The following GRIA4 variants were observed in gnomAD, a reference collection of about 807,000 sequenced individuals.
The protein encoded by GRIA4 is glutamate receptor 4.
In GRIA4, 34 loss-of-function variants were observed where a neutral mutation model predicts 104.0. That is an observed-to-expected ratio of 0.33 (90% CI 0.25 to 0.44). GRIA4 has a LOEUF of 0.44. Ranked by LOEUF, GRIA4 falls within the 20% of genes least tolerant of loss-of-function variation. The pLI is 1.00. For missense variants in GRIA4, 750 were observed against 1,096.5 expected (o/e 0.68, Z 4.46); for synonymous variants, 386 against 381.9 (o/e 1.01, Z -0.13).
At chr11:105,828,168 C>A (rs556797253) in intron 4 of GRIA4, among the ~76,000 whole-genome samples, 60 of 151,938 alleles carry the variant, frequency 3.9e-4, no homozygotes, top group Non-Finnish European at 6.3e-4. Flanking sequence ...AGGGGAACAG[C>A]TCTGGATATT....
chr11:105,851,430 C>T (rs1944805134), intron 4 of GRIA4, among the ~76,000 whole-genome samples: 1 of 152,112 alleles, frequency 6.6e-6, no homozygotes, highest in South Asian at 2.1e-4. Context: ...GCACATAGGA[C>T]TTATTTAATA....
intron 14 of GRIA4, among the ~76,000 whole-genome samples, chr11:105,943,146 A>C (rs1423861490): frequency 2.0e-5 from 3 of 152,158 alleles, no homozygotes; most frequent in African/African-American, 7.2e-5. Flanking sequence ...TGGTTTTGGA[A>C]TTTAAGTAAG....
chr11:105,844,182 C>T (rs1012424429), intron 4 of GRIA4, among the ~76,000 whole-genome samples: 2 of 152,118 alleles, frequency 1.3e-5, no homozygotes, highest in African/African-American at 4.8e-5. Context: ...CATTGTTGAG[C>T]TAAAAATTTA....
At chr11:105,756,373 C>T (rs573541141) in intron 4 of GRIA4, among the ~76,000 whole-genome samples, 31 of 152,216 alleles carry the variant, frequency 2.0e-4, no homozygotes, top group Non-Finnish European at 4.0e-4. Context: ...CCGTTCTTTT[C>T]CTCATTTCTC....
chr11:105,910,719 T>C (rs886112581), intron 10 of GRIA4, among the ~76,000 whole-genome samples, 174 bp downstream of exon 10: 1 of 152,132 alleles, frequency 6.6e-6, no homozygotes, highest in Non-Finnish European at 1.5e-5. Flanking sequence ...TTCGAGTTCA[T>C]ATAGTACTTT....
intron 5 of GRIA4, among the ~76,000 whole-genome samples, chr11:105,882,842 A>T (rs533633598): frequency 5.9e-5 from 9 of 152,314 alleles, no homozygotes; most frequent in Admixed American, 1.3e-4. Context: ...AAGTGAAGTC[A>T]ATATGGAAAA....
chr11:105,878,129 T>C (rs1254635156), intron 5 of GRIA4, among the ~76,000 whole-genome samples: 3 of 152,222 alleles, frequency 2.0e-5, no homozygotes, highest in Non-Finnish European at 4.4e-5. Context: ...TTGATGCTAT[T>C]CTTTTCTGTT....
At chr11:105,873,698 C>T (rs1055244104) in intron 5 of GRIA4, among the ~76,000 whole-genome samples, 1 of 151,822 alleles carries the variant, frequency 6.6e-6, no homozygotes, top group Non-Finnish European at 1.5e-5. Flanking sequence ...TTTCATGTTT[C>T]TTGGCCACAA....
chr11:105,808,678 T>C lies in GRIA4; in HGVS notation c.488-53346T>C, dbSNP rs114945749. Among the ~76,000 whole-genome samples, 460 of 152,172 alleles carry C rather than the reference T, an allele frequency of 3.0e-3. 6 individuals carry two copies. Among genetic ancestry groups the C allele is most frequent in the African/African-American group, 0.011 (451 of 41,558 alleles). ...TTGATCAAAAATATATTTAAGTCCA[T>C]CTTCTCCCTAAATATAAATAAGTAC... On this transcript the variant is annotated intron_variant, in intron 4 of 16. Transcript: ENST00000282499.
chr11:105,769,553 AGATAAT>A (rs1399732090), intron 4 of GRIA4, among the ~76,000 whole-genome samples: 3 of 152,108 alleles, frequency 2.0e-5, no homozygotes, highest in Non-Finnish European at 2.9e-5. Context: ...ACTTGAGAAC[AGATAAT>A]GTCAGATAGT....
At chr11:105,877,421 GTTCTCTCCAT>G (rs1330211314) in intron 5 of GRIA4, among the ~76,000 whole-genome samples, 1 of 152,106 alleles carries the variant, frequency 6.6e-6, no homozygotes, top group Non-Finnish European at 1.5e-5. Flanking sequence ...TCTTTGTAGT[GTTCTCTCCAT>G]TTCCTGAATT....
At chr11:105,702,690 C>T (rs1390435412) in intron 3 of GRIA4, among the ~76,000 whole-genome samples, 6 of 96,078 alleles carry the variant, frequency 6.2e-5, no homozygotes, top group Non-Finnish European at 5.7e-5. Flanking sequence ...AATTATTTTC[C>T]TTTCTTTTTT....
intron 4 of GRIA4, among the ~76,000 whole-genome samples, chr11:105,850,803 C>A (rs1591348712): frequency 6.6e-6 from 1 of 152,236 alleles, no homozygotes; most frequent in East Asian, 1.9e-4. Flanking sequence ...GCAGAAGCCA[C>A]CACACTTCTT....
intron 4 of GRIA4, among the ~76,000 whole-genome samples, chr11:105,810,913 T>G (rs1409925365): frequency 2.0e-5 from 3 of 152,196 alleles, no homozygotes; most frequent in Non-Finnish European, 4.4e-5. Flanking sequence ...GTTAAGCATT[T>G]TTTTTAAAAA....
intron 3 of GRIA4, among the ~76,000 whole-genome samples, chr11:105,635,533 C>T (rs1353778674): frequency 6.6e-6 from 1 of 152,106 alleles, no homozygotes; most frequent in African/African-American, 2.4e-5. Flanking sequence ...GGGAAATACT[C>T]CGAAGGACAT....
In GRIA4 at chr11:105,610,984, G is replaced by T. The variant is rs146073046; in HGVS notation, c.-14G>T. The T allele has an allele frequency of 2.2e-5, 34 of 1,579,886 alleles. No individual in the cohort carries two copies. Among genetic ancestry groups the T allele is most frequent in the Middle Eastern group, 3.3e-4 (2 of 6,026 alleles). On this transcript the variant is annotated 5_prime_UTR_variant, in exon 2 of 17. Transcript: ENST00000282499. ...AAAGAGAGAGAGCGCGCGCCAGGGAGAGGAGAAAAGAAGATGAGGATTATT... is the reference window on the plus strand; with the variant it reads ...AAAGAGAGAGAGCGCGCGCCAGGGATAGGAGAAAAGAAGATGAGGATTATT...
chr11:105,842,696 G>A (rs1314810108), intron 4 of GRIA4: 2 of 152,070 alleles, frequency 1.3e-5, no homozygotes, highest in African/African-American at 4.8e-5. Context: ...TTTTTAAAAG[G>A]TGTGGCCGCC....
chr11:105,874,763 T>A (rs1945753171), intron 5 of GRIA4, among the ~76,000 whole-genome samples: 1 of 152,240 alleles, frequency 6.6e-6, no homozygotes. Flanking sequence ...CACTTGATTT[T>A]GTATCCTGAG....
rs1483315290 is a variant in GRIA4, at chr11:105,623,065, A to G, written c.247+10631A>G. ...GTAGTATTCCATTGTATATATATAT[A>G]TATATATATATATATATATATATAT... On this transcript the variant is annotated intron_variant, in intron 3 of 16. Transcript: ENST00000282499. Among the ~76,000 whole-genome samples the G allele has an allele frequency of 1.2e-3, 45 of 36,830 alleles. 1 individual carries two copies. Among genetic ancestry groups the G allele is most frequent in the African/African-American group, 4.0e-3 (37 of 9,194 alleles). The allele number at this position is 36,830 out of a possible 152,430, so 24.2% of individuals were successfully genotyped here.
Sources: allele counts gnomAD v4.1 joint callset (sites outside exome capture counted in the v4.1 genomes callset), GRCh38; gene constraint gnomAD v4.1.1; transcripts MANE v1.5; gene names NCBI Gene and HGNC (gene_info 2026-07-23, HGNC 2026-07-21).